The following LUZP2 variants were observed in gnomAD, a reference collection of about 807,000 sequenced individuals.
LUZP2 encodes the protein leucine zipper protein 2.
LUZP2 carries 52 observed loss-of-function variants against 51.6 expected under a neutral mutation model. The observed-to-expected ratio is 1.01, with a 90% CI of 0.81 to 1.27. LUZP2 has a LOEUF of 1.27. Among genes scored for constraint, LUZP2 ranks in the 50% most tolerant of loss-of-function variants. The pLI is 0.00. For missense variants in LUZP2, 436 were observed against 395.4 expected, an observed-to-expected ratio of 1.10 and a Z score of -0.87; for synonymous variants, 154 against 137.3, an observed-to-expected ratio of 1.12 and a Z score of -0.85.
intron 4 of LUZP2, 177 bp from the exon 5 acceptor site, chr11:24,763,069 A>G (rs547716003): frequency 5.5e-5 from 24 of 433,282 alleles, no homozygotes; most frequent in African/African-American, 4.3e-4. Flanking sequence ...AATATAATCA[A>G]TGAATATATG....
intron 7 of LUZP2, among the ~76,000 whole-genome samples, chr11:24,962,878 C>A (rs1855457876): frequency 6.6e-6 from 1 of 152,026 alleles, no homozygotes; most frequent in Admixed American, 6.6e-5. Context: ...CTGTTTTTTC[C>A]CCATCTTTGT....
Position 24,645,251 on chromosome 11 carries a change from C to T in LUZP2, c.63-83918C>T, listed in dbSNP as rs75752223. ...CAGGTCTTTAACAATCCCCACCTCC[C>T]TTTCCATTGAAGACAAAGAGAAAAA... On this transcript the variant is annotated intron_variant, in intron 1 of 11. Transcript: ENST00000336930. 9.0e-3 allele frequency among the ~76,000 whole-genome samples: 1,377 copies of T among 152,234 alleles called. 25 individuals carry two copies. The highest frequency in any genetic ancestry group is 0.032 in the African/African-American group (1,326 of 41,556).
In LUZP2 at chr11:24,576,197, G is replaced by A. The variant is rs963551223; in HGVS notation, c.62+78892G>A. Among the ~76,000 whole-genome samples the A allele has an allele frequency of 1.8e-4, 28 of 151,868 alleles. 1 individual carries two copies. Among genetic ancestry groups the A allele is most frequent in the Admixed American group, 6.6e-5 (1 of 15,232 alleles). ...GGATGCAGAGGCAGGTGGATCACGA[G>A]GTCAGGAGTTCGAGAGCAGCCTGGC... On this transcript the variant is annotated intron_variant, in intron 1 of 11. Transcript: ENST00000336930.
chr11:24,773,875 G>T (rs189553979), intron 5 of LUZP2, among the ~76,000 whole-genome samples: 8 of 152,088 alleles, frequency 5.3e-5, no homozygotes, highest in Non-Finnish European at 8.8e-5. Flanking sequence ...TTCAGTGCCC[G>T]AGGACCCTAA....
At chr11:24,919,766 A>G (rs191662417) in intron 7 of LUZP2, among the ~76,000 whole-genome samples, 4 of 150,760 alleles carry the variant, frequency 2.7e-5, no homozygotes, top group African/African-American at 7.2e-5. Context: ...ACTATCAAGT[A>G]GTTCATGAAA....
intron 4 of LUZP2, among the ~76,000 whole-genome samples, chr11:24,759,419 T>G (rs1352592737): frequency 6.6e-6 from 1 of 152,176 alleles, no homozygotes; most frequent in Non-Finnish European, 1.5e-5. Context: ...CTAATATATT[T>G]TTAATGTTCA....
intron 4 of LUZP2, among the ~76,000 whole-genome samples, chr11:24,742,302 G>A (rs1356770001): frequency 6.6e-6 from 1 of 151,608 alleles, no homozygotes; most frequent in Non-Finnish European, 1.5e-5. Context: ...GGCTGTACTA[G>A]CTTACATTCC....
intron 5 of LUZP2, among the ~76,000 whole-genome samples, chr11:24,791,160 C>T (rs1849396710): frequency 6.6e-6 from 1 of 152,050 alleles, no homozygotes; most frequent in South Asian, 2.1e-4. Context: ...TTCTTTTTCT[C>T]ATACCCCACG....
At chr11:24,744,632 C>A (rs905648232) in intron 4 of LUZP2, among the ~76,000 whole-genome samples, 1 of 152,030 alleles carries the variant, frequency 6.6e-6, no homozygotes, top group Non-Finnish European at 1.5e-5. Context: ...AATATTCTAT[C>A]AATTTTATTT....
At position 24,574,284 on chromosome 11, in the gene LUZP2, C is replaced by T. The variant is rs1215521701; in HGVS notation, c.62+76979C>T. On this transcript the variant is annotated intron_variant, in intron 1 of 11. Transcript: ENST00000336930. ...TCTTGCTTTCTTTCTTTCTTTCTTT[C>T]TTTCCTTTCTTTCTTTCTTTTTCTT... 1.5e-3 allele frequency among the ~76,000 whole-genome samples: 137 copies of T among 89,000 alleles called. 3 individuals are homozygous for T. Among genetic ancestry groups the T allele is most frequent in the Non-Finnish European group, 2.3e-3 (107 of 46,046 alleles). The allele number at this position is 89,000 out of a possible 152,430, so 58.4% of individuals were successfully genotyped here. A position where few individuals can be genotyped will look rare whatever the true frequency, so the allele number is the denominator to read the frequency against.
At chr11:24,878,882 G>C (rs1046118302) in intron 5 of LUZP2, among the ~76,000 whole-genome samples, 4 of 151,948 alleles carry the variant, frequency 2.6e-5, no homozygotes, top group African/African-American at 9.7e-5. Flanking sequence ...TTGGTTTTCT[G>C]TTCCTGTGGT....
intron 1 of LUZP2, among the ~76,000 whole-genome samples, chr11:24,688,082 A>G (rs1428148427): frequency 6.6e-6 from 1 of 152,068 alleles, no homozygotes; most frequent in Non-Finnish European, 1.5e-5. Context: ...TCACTGGTCA[A>G]GGTCAGGTAT....
At chr11:24,542,526 G>GA (rs962375115) in intron 1 of LUZP2, among the ~76,000 whole-genome samples, 27 of 147,120 alleles carry the variant, frequency 1.8e-4, no homozygotes, top group South Asian at 8.7e-4. Flanking sequence ...TCCAGTGTGT[G>GA]AAAAAAAAAA....
chr11:24,961,354 A>G (rs1325108286), intron 7 of LUZP2, among the ~76,000 whole-genome samples: 2 of 151,950 alleles, frequency 1.3e-5, no homozygotes, highest in East Asian at 1.9e-4. Flanking sequence ...GGGTGTTAAA[A>G]TCTCCCATTA....
intron 10 of LUZP2, among the ~76,000 whole-genome samples, chr11:25,064,052 A>T (rs73435761): frequency 1.5e-3 from 227 of 151,808 alleles, no homozygotes; most frequent in African/African-American, 5.2e-3. Context: ...CATTTTGAAC[A>T]TGAAGGAAAT....
chr11:24,951,428 T>C (rs1317481873), intron 7 of LUZP2, among the ~76,000 whole-genome samples: 3 of 151,546 alleles, frequency 2.0e-5, no homozygotes, highest in Non-Finnish European at 4.4e-5. Context: ...AGCCAATAAA[T>C]AGAAAAAGAA....
intron 5 of LUZP2, chr11:24,892,267 A>G (rs1328699444): frequency 1.0e-5 from 10 of 985,284 alleles, no homozygotes; most frequent in Non-Finnish European, 1.1e-5. Context: ...TGTGAACTGG[A>G]CCATCTGCTA....
rs193185370 is a variant in LUZP2 at position 25,023,938 on chromosome 11, G to T, written c.766-26100G>T. 3.5e-4 allele frequency among the ~76,000 whole-genome samples: 53 copies of T among 152,258 alleles called. 1 individual carries two copies. The East Asian group carries it at 6.8e-3, about 19-fold the overall frequency. Reference sequence around the variant, plus strand: ...GGTTGTTCAGTTTCCATGTAGTTGAGTGGTTTTGAGTGAGTTTCTTAATCC... The same window carrying T: ...GGTTGTTCAGTTTCCATGTAGTTGATTGGTTTTGAGTGAGTTTCTTAATCC... On this transcript the variant is annotated intron_variant, in intron 9 of 11. Transcript: ENST00000336930.
At position 24,601,866 on chromosome 11, in the gene LUZP2, G is replaced by GTATATGTATACATGTA. The variant is rs1853650674; in HGVS notation, c.62+104572_62+104587dup. Among the ~76,000 whole-genome samples the GTATATGTATACATGTA allele has an allele frequency of 2.8e-5, 3 of 106,908 alleles. No homozygotes were observed. The Admixed American group carries it at 3.2e-4, about 11-fold the overall frequency. The allele number at this position is 106,908 out of a possible 152,430, so 70.1% of individuals were successfully genotyped here. On this transcript the variant is annotated intron_variant, in intron 1 of 11. Transcript: ENST00000336930. Reference sequence around the variant, plus strand: ...TAAACAGGTATATATATATATATGTGTATATGTATACATGTATATATGTAT... The same window carrying GTATATGTATACATGTA: ...TAAACAGGTATATATATATATATGTGTATATGTATACATGTATATATGTATACATGTATATATGTAT...
Sources: allele counts gnomAD v4.1 joint callset (sites outside exome capture counted in the v4.1 genomes callset), GRCh38; gene constraint gnomAD v4.1.1; transcripts MANE v1.5; gene names NCBI Gene and HGNC (gene_info 2026-07-23, HGNC 2026-07-21).